Variants in CEP120 observed in about 807,000 individuals in gnomAD.
The protein encoded by CEP120 is centrosomal protein of 120 kDa.
A neutral mutation model predicts 126.5 loss-of-function variants in CEP120; 113 were observed. The observed-to-expected ratio is 0.89, with a 90% CI of 0.77 to 1.04. The LOEUF is 1.04. Ranked by LOEUF, CEP120 falls within the 50% of genes least tolerant of loss-of-function variation. The pLI, the probability that CEP120 is intolerant of heterozygous loss-of-function variation, is 0.00. For synonymous variants in CEP120, 400 were observed against 394.3 expected (o/e 1.01, Z -0.17); for missense variants, 1,230 against 1,155.7 (o/e 1.06, Z -0.93).
chr5:123,355,392 A>G (rs1769519798), intron 18 of CEP120, among the ~76,000 whole-genome samples: 2 of 152,228 alleles, frequency 1.3e-5, no homozygotes, highest in African/African-American at 4.8e-5. Flanking sequence ...ACTAGTTTAC[A>G]GTCCCACCAA....
chr5:123,407,073 T>C (rs188031549), intron 4 of CEP120, among the ~76,000 whole-genome samples: 9 of 143,078 alleles, frequency 6.3e-5, no homozygotes, highest in Non-Finnish European at 4.5e-5. Flanking sequence ...TGTAAATGTA[T>C]AGTGCAAACT....
At chr5:123,373,547 G>C (rs1770999854) in intron 16 of CEP120, among the ~76,000 whole-genome samples, 1 of 152,090 alleles carries the variant, frequency 6.6e-6, no homozygotes, top group Admixed American at 6.6e-5. Context: ...CAAGTTTGCA[G>C]ACTTTTACTA....
intron 18 of CEP120, among the ~76,000 whole-genome samples, chr5:123,363,938 T>C (rs1770268491): frequency 6.6e-6 from 1 of 151,566 alleles, no homozygotes. Flanking sequence ...AGATCAAATG[T>C]GTCCAAAATT....
At position 123,382,870 on chromosome 5, in the gene CEP120, T is replaced by G. The variant is rs1580685182; in HGVS notation, c.1880A>C (p.Gln627Pro). 2 of 1,613,416 alleles carry G rather than the reference T, an allele frequency of 1.2e-6. No homozygotes were observed. The highest frequency in any genetic ancestry group is 1.7e-6 in the Non-Finnish European group (2 of 1,179,602). Residue 627 changes from glutamine to proline, a missense_variant, in exon 13 of 20, where the codon CAA becomes CCA. Physicochemically the swap from Gln to Pro is moderately conservative, Grantham distance 76. Transcript: ENST00000306467. ...DSSQGVSAVQ[Q>P]KPSSLPPAPC... Reference sequence around the variant, plus strand: ...TGCTGGAGGAAGAGAAGACGGCTTTTGCTGTACGGCAGATACACCCTAAGA... The same window carrying G: ...TGCTGGAGGAAGAGAAGACGGCTTTGGCTGTACGGCAGATACACCCTAAGA...
intron 19 of CEP120, among the ~76,000 whole-genome samples, chr5:123,348,884 C>T (rs1166331092): frequency 5.9e-5 from 9 of 152,116 alleles, no homozygotes. Context: ...CTAAAACCAA[C>T]CACACTGGCA....
chr5:123,393,366 T>C lies in CEP120; in HGVS notation c.744A>G (p.Ala248=). 6.2e-7 allele frequency: 1 copy of C among 1,614,164 alleles called. No individual in the cohort carries two copies. The highest frequency in any genetic ancestry group is 1.6e-4 in the Middle Eastern group (1 of 6,062). Residue 248 remains alanine, a synonymous_variant, in exon 6 of 20, where the codon GCA becomes GCG. Coordinates refer to ENST00000306467, the MANE Select transcript of CEP120 (RefSeq NM_001375405.1). ...CTACACTGCTACGGATGCGAACTGATGCTCTCTCTGGCTCAAAGTTTGGGT... is the reference window on the plus strand; with the variant it reads ...CTACACTGCTACGGATGCGAACTGACGCTCTCTCTGGCTCAAAGTTTGGGT... ...LINPNFEPER[A]SVRIRSSVEI...
At chr5:123,367,353 A>G (rs1267972068) in intron 17 of CEP120, among the ~76,000 whole-genome samples, 1 of 151,928 alleles carries the variant, frequency 6.6e-6, no homozygotes, top group Non-Finnish European at 1.5e-5. Flanking sequence ...GCCCTACTAA[A>G]TTACATGCCT....
intron 18 of CEP120, among the ~76,000 whole-genome samples, chr5:123,360,504 G>T (rs1244540427): frequency 9.2e-5 from 14 of 151,840 alleles, no homozygotes; most frequent in Admixed American, 3.3e-4. Flanking sequence ...TGCACTCAAA[G>T]AACTTTTCTT....
At chr5:123,365,622 A>T (rs566818471) in intron 17 of CEP120, among the ~76,000 whole-genome samples, 1 of 151,818 alleles carries the variant, frequency 6.6e-6, no homozygotes, top group East Asian at 1.9e-4. Flanking sequence ...TAGTGCTTGG[A>T]TTTAAATGTG....
At position 123,397,628 on chromosome 5, in the gene CEP120, C is replaced by T. The variant is rs530133722; in HGVS notation, c.612+1508G>A. Among the ~76,000 whole-genome samples, 44 of 152,284 alleles carry T rather than the reference C, an allele frequency of 2.9e-4. No homozygotes were observed. The South Asian group carries it at 8.9e-3, about 31-fold the overall frequency. ...AGAAAGAGTAAATGCTCAAAGAACA[C>T]CAAGTTCTTTATATAGTGGGGATGA... On this transcript the variant is annotated intron_variant, in intron 5 of 19. Transcript: ENST00000306467.
At chr5:123,419,942 G>A (rs1774616777) in intron 1 of CEP120, among the ~76,000 whole-genome samples, 1 of 152,190 alleles carries the variant, frequency 6.6e-6, no homozygotes, top group Non-Finnish European at 1.5e-5. Context: ...GGATCTTATT[G>A]AGGGGAATTT....
intron 4 of CEP120, among the ~76,000 whole-genome samples, chr5:123,409,732 CG>C (rs1773912651): frequency 6.6e-6 from 1 of 152,056 alleles, no homozygotes; most frequent in African/African-American, 2.4e-5. Flanking sequence ...CCGAGGCAGG[CG>C]GATCACCTGA....
chr5:123,382,236 C>G, intron 13 of CEP120, 36 bp from the exon 14 acceptor site: 1 of 1,351,626 alleles, frequency 7.4e-7, no homozygotes, highest in Non-Finnish European at 1.0e-6. Flanking sequence ...GCCAAAAAAC[C>G]CCAAATATGT....
At chr5:123,390,921 G>T (rs985321753) in intron 7 of CEP120, 189 bp downstream of exon 7, 7 of 552,588 alleles carry the variant, frequency 1.3e-5, no homozygotes, top group African/African-American at 9.4e-5. Flanking sequence ...AGGGCTCTGG[G>T]TAGAATCACT....
chr5:123,372,166 G>T (rs958412897), intron 17 of CEP120, among the ~76,000 whole-genome samples: 3 of 152,020 alleles, frequency 2.0e-5, no homozygotes. Flanking sequence ...TCCTATCTAG[G>T]ACATTGAATC....
Position 123,399,264 on chromosome 5 carries a change from G to A in CEP120, c.484C>T (p.Leu162Phe). The A allele has an allele frequency of 3.7e-6, 6 of 1,614,102 alleles. No homozygotes were observed. Among genetic ancestry groups the A allele is most frequent in the Middle Eastern group, 1.6e-4 (1 of 6,062 alleles). ...ACAGCCACAATGTCCCTGGGGTCAA[G>A]TCCAGCCAGGATGGCAGGTACTTTA... ...DGKVPAILAG[L>F]DPRDIVAVLN... Residue 162 changes from leucine (L) to phenylalanine (F), a missense_variant, in exon 5 of 20, where the codon CTT (leucine) becomes TTT (phenylalanine). Leu to Phe is a conservative substitution (Grantham distance 22). Coordinates refer to ENST00000306467, the MANE Select transcript of CEP120 (RefSeq NM_001375405.1).
At chr5:123,420,816 T>C (rs193122503) in intron 1 of CEP120, among the ~76,000 whole-genome samples, 46 of 152,376 alleles carry the variant, frequency 3.0e-4, no homozygotes, top group African/African-American at 9.6e-4. Flanking sequence ...AAAACTCGTA[T>C]GTAGAATCTA....
chr5:123,394,019 T>C (rs371744131), intron 5 of CEP120, among the ~76,000 whole-genome samples: 40 of 152,374 alleles, frequency 2.6e-4, no homozygotes, highest in African/African-American at 7.9e-4. Flanking sequence ...ATACCTTTTG[T>C]ACTATGAGTG....
chr5:123,422,981 G>A lies in CEP120; in HGVS notation c.18C>T (p.Asp6=), dbSNP rs1357771115. Reference sequence around the variant, plus strand: ...GGATGGACACGACGATGAGCAATTGGTCGGATTTGGAGACCATGGTTGCGG... The same window carrying A: ...GGATGGACACGACGATGAGCAATTGATCGGATTTGGAGACCATGGTTGCGG... The part of the protein sequence containing the change: MVSKS[D]QLLIVVSILE... The change falls in exon 1 of 20, where the codon GAC becomes GAT. Residue 6 remains aspartate, a synonymous_variant. Transcript: ENST00000306467. 1.2e-6 allele frequency: 2 copies of A among 1,614,186 alleles called. No individual in the cohort carries two copies. The highest frequency in any genetic ancestry group is 1.7e-6 in the Non-Finnish European group (2 of 1,180,022).
Sources: gnomAD v4.1 joint callset for allele counts (sites outside exome capture counted in the v4.1 genomes callset) on GRCh38, gnomAD v4.1.1 for gene constraint, MANE v1.5 for transcripts, NCBI Gene and HGNC (gene_info 2026-07-23, HGNC 2026-07-21) for gene names.